The following FBXO16 variants were observed in gnomAD, a reference collection of about 807,000 sequenced individuals.
FBXO16 encodes F-box only protein 16.
FBXO16 carries 31 observed loss-of-function variants against 41.0 expected under a neutral mutation model. The ratio of observed to expected loss-of-function variants is 0.76; its 90% confidence interval spans 0.57 to 1.02. The LOEUF is 1.02. Ranked by LOEUF, FBXO16 falls within the 50% of genes least tolerant of loss-of-function variation. The pLI, the probability that FBXO16 is intolerant of heterozygous loss-of-function variation, is 0.00. For synonymous variants in FBXO16, 133 were observed against 117.8 expected, an observed-to-expected ratio of 1.13 and a Z score of -0.84; for missense variants, 361 against 346.2, an observed-to-expected ratio of 1.04 and a Z score of -0.34.
At chr8:28,451,766 T>G (rs1802956974) in intron 6 of FBXO16, among the ~76,000 whole-genome samples, 1 of 151,998 alleles carries the variant, frequency 6.6e-6, no homozygotes, top group African/African-American at 2.4e-5. Flanking sequence ...GTGGATCACC[T>G]GAGGTCAGGA....
At chr8:28,431,943 G>T (rs1364355689) in intron 7 of FBXO16, among the ~76,000 whole-genome samples, 1 of 152,092 alleles carries the variant, frequency 6.6e-6, no homozygotes, top group Non-Finnish European at 1.5e-5. Flanking sequence ...AAAGTTACCA[G>T]GGTTGTGTTT....
rs764663810 is a variant in FBXO16 at position 28,473,786 on chromosome 8, G to T, written c.121C>A (p.Leu41Met). The T allele has an allele frequency of 6.1e-5, 98 of 1,603,558 alleles. No homozygotes were observed. The South Asian group carries it at 1.0e-3, about 16-fold the overall frequency. Residue 41 changes from leucine to methionine, a missense_variant, in exon 3 of 9, where the codon CTG becomes ATG. Leu to Met is a conservative substitution (Grantham distance 15, BLOSUM62 2). Coordinates refer to ENST00000380254, the MANE Select transcript of FBXO16 (RefSeq NM_172366.4). ...TAAATGTTTACCCATTTGCCAAGCA[G>T]GGCTCTTCTTTCTTCAAATACCTAC... ...NDRVFEERRA[L>M]LGKWFDKWTD...
At chr8:28,489,517 T>C (rs1342676690) in intron 1 of FBXO16, among the ~76,000 whole-genome samples, 1 of 80,470 alleles carries the variant, frequency 1.2e-5, no homozygotes, top group African/African-American at 4.5e-5. Flanking sequence ...AGCAAAACCC[T>C]ATCTCTACAA....
rs56917233 is a variant in FBXO16, at chr8:28,432,128, AGTGTGTGT to A, written c.844-2733_844-2726del. On this transcript the variant is annotated intron_variant, in intron 7 of 8. Transcript: ENST00000380254. ...TATATATGTGAGAGGCTATGTATGG[AGTGTGTGT>A]GTGTGTGTGTGTGTGTGTGTGTGTG... is the stretch of plus-strand genomic sequence containing the variant. Among the ~76,000 whole-genome samples, 1,348 of 142,854 alleles carry A rather than the reference AGTGTGTGT, an allele frequency of 9.4e-3. 9 individuals carry two copies. The highest frequency in any genetic ancestry group is 0.021 in the African/African-American group (808 of 38,330). 93.7% of individuals were successfully genotyped at this position (142,854 alleles called of 152,430 possible). A position where few individuals can be genotyped will look rare whatever the true frequency, so the allele number is the denominator to read the frequency against.
intron 7 of FBXO16, among the ~76,000 whole-genome samples, chr8:28,439,989 T>C (rs1034785060): frequency 6.6e-6 from 1 of 150,420 alleles, no homozygotes; most frequent in African/African-American, 2.4e-5. Context: ...TTTTTTTTTG[T>C]ATTCTGCATA....
At chr8:28,463,248 TTGTG>T (rs540563982) in intron 4 of FBXO16, among the ~76,000 whole-genome samples, 1 of 150,896 alleles carries the variant, frequency 6.6e-6, no homozygotes, top group South Asian at 2.1e-4. Flanking sequence ...GTGTACACGT[TTGTG>T]TGTTTGTGCG....
At chr8:28,432,867 G>A (rs1220460030) in intron 7 of FBXO16, among the ~76,000 whole-genome samples, 1 of 152,054 alleles carries the variant, frequency 6.6e-6, no homozygotes, top group Non-Finnish European at 1.5e-5. Flanking sequence ...GACCAGCCTA[G>A]CAAACATGGT....
intron 5 of FBXO16, among the ~76,000 whole-genome samples, chr8:28,454,494 C>T (rs913554717): frequency 1.3e-5 from 2 of 151,234 alleles, no homozygotes; most frequent in African/African-American, 2.4e-5. Context: ...TTTGGGAGGC[C>T]GAGGCGGGCG....
At chr8:28,481,415 T>A (rs1247439632) in intron 2 of FBXO16, among the ~76,000 whole-genome samples, 1 of 151,526 alleles carries the variant, frequency 6.6e-6, no homozygotes, top group Non-Finnish European at 1.5e-5. Flanking sequence ...GGACTCAGAG[T>A]ACTGGAAAGC....
intron 7 of FBXO16, among the ~76,000 whole-genome samples, chr8:28,431,848 C>T (rs941383776): frequency 6.6e-6 from 1 of 152,160 alleles, no homozygotes; most frequent in Non-Finnish European, 1.5e-5. Context: ...TACTTTTCTA[C>T]ATAGCTCAAT....
chr8:28,463,555 T>C, intron 4 of FBXO16, 57 bp downstream of exon 4: 2 of 1,576,568 alleles, frequency 1.3e-6, no homozygotes, highest in African/African-American at 1.4e-5. Flanking sequence ...AGTTTCAAGT[T>C]TCAAGTTTCC....
intron 2 of FBXO16, among the ~76,000 whole-genome samples, chr8:28,480,295 A>G (rs1415327210): frequency 2.0e-5 from 3 of 152,030 alleles, no homozygotes; most frequent in African/African-American, 4.8e-5. Context: ...TGATTTGACT[A>G]GAAATAGAAG....
At chr8:28,469,726 C>T (rs1803301054) in intron 3 of FBXO16, among the ~76,000 whole-genome samples, 1 of 151,468 alleles carries the variant, frequency 6.6e-6, no homozygotes, top group African/African-American at 2.4e-5. Context: ...CATGGTGAAA[C>T]TCTGTCTCTA....
intron 6 of FBXO16, 68 bp from the exon 7 acceptor site, chr8:28,447,341 A>T: frequency 7.5e-7 from 1 of 1,335,430 alleles, no homozygotes; most frequent in Non-Finnish European, 1.1e-6. Context: ...TTGCATAGCT[A>T]TTTGTCTGTT....
intron 2 of FBXO16, among the ~76,000 whole-genome samples, chr8:28,475,584 T>C (rs1269979016): frequency 1.3e-5 from 2 of 152,234 alleles, no homozygotes; most frequent in Non-Finnish European, 2.9e-5. Context: ...ATGCAACCAA[T>C]GTTGTCACTT....
At chr8:28,488,747 T>C (rs1274366743) in intron 1 of FBXO16, among the ~76,000 whole-genome samples, 1 of 152,204 alleles carries the variant, frequency 6.6e-6, no homozygotes, top group Non-Finnish European at 1.5e-5. Context: ...CAGTTGATCA[T>C]GTCACTTTTC....
intron 5 of FBXO16, among the ~76,000 whole-genome samples, chr8:28,456,423 T>C (rs906593211): frequency 1.3e-5 from 2 of 152,148 alleles, no homozygotes; most frequent in African/African-American, 2.4e-5. Context: ...TGAAGACCCA[T>C]AGGTAACAAA....
intron 3 of FBXO16, chr8:28,465,151 T>A (rs1420828295): frequency 6.3e-6 from 1 of 158,862 alleles, no homozygotes; most frequent in African/African-American, 2.4e-5. Context: ...CAACTTGATA[T>A]ATATTTTTTA....
At chr8:28,430,543 G>A (rs79686840) in intron 7 of FBXO16, among the ~76,000 whole-genome samples, 8,606 of 152,198 alleles carry the variant, frequency 0.057, 596 homozygotes, top group East Asian at 0.21. Flanking sequence ...ATCTTCCCTC[G>A]TTTGAAGTTT....
Sources: gnomAD v4.1 joint callset for allele counts (sites outside exome capture counted in the v4.1 genomes callset) on GRCh38, gnomAD v4.1.1 for gene constraint, MANE v1.5 for transcripts, NCBI Gene and HGNC (gene_info 2026-07-23, HGNC 2026-07-21) for gene names.